DCHS2: variants seen among roughly 807,000 people sequenced by gnomAD.
The protein encoded by DCHS2 is protocadherin-23.
Under a neutral mutation model 182.4 loss-of-function variants are expected in DCHS2, and 142 were observed. The observed-to-expected ratio is 0.78, with a 90% CI of 0.68 to 0.89. The LOEUF is 0.89. DCHS2 is among the 40% of genes least tolerant of loss of function. The probability of loss-of-function intolerance (pLI) is 0.00; values close to 1 mark genes in which losing one functional copy is unlikely to be tolerated. For synonymous variants in DCHS2, 1,740 were observed against 1,663.3 expected (o/e 1.05, Z -1.12); for missense variants, 4,319 against 4,198.6 (o/e 1.03, Z -0.79).
rs1264121883 is a variant in DCHS2 at position 154,329,649 on chromosome 4, C to A, written c.3792G>T (p.Val1264=). 3.7e-6 allele frequency: 6 copies of A among 1,612,434 alleles called. No individual in the cohort carries two copies. In the South Asian group the frequency reaches 6.6e-5, roughly 18 times the overall value. ...REHRGHHEMT[V]LVTDRGSPPR... ...GTGGGGAGCCGCGGTCTGTCACTAGCACAGTCATCTCATGGTGCCCCCGGT... is the reference window on the plus strand; with the variant it reads ...GTGGGGAGCCGCGGTCTGTCACTAGAACAGTCATCTCATGGTGCCCCCGGT... Residue 1264 remains valine, a synonymous_variant, in exon 6 of 20, where the codon GTG becomes GTT. Transcript: ENST00000357232.
chr4:154,458,966 C>CA (rs1734887920), intron 1 of DCHS2, among the ~76,000 whole-genome samples: 1 of 152,150 alleles, frequency 6.6e-6, no homozygotes, highest in African/African-American at 2.4e-5. Context: ...CTAAAAAATA[C>CA]CAAATGGAGA....
At chr4:154,344,758 T>C (rs7661855) in intron 3 of DCHS2, among the ~76,000 whole-genome samples, 151,541 of 152,286 alleles carry the variant, frequency 1, 75,401 homozygotes, top group Middle Eastern at 1. Context: ...GCGTCCACAG[T>C]TCCGAGGCAT....
rs1054782748 is a variant in DCHS2, at chr4:154,232,504, G to T, written c.*2032C>A. ...TCACAGTAATAAATAACTAACTTAG[G>T]GAATAGGTAGATGAATAACTCTTTT... On this transcript the variant is annotated 3_prime_UTR_variant, in exon 20 of 20. Coordinates refer to ENST00000357232, the MANE Select transcript of DCHS2 (RefSeq NM_001358235.2). 1 of 151,982 alleles carries T rather than the reference G, an allele frequency of 6.6e-6. No individual in the cohort carries two copies. The highest frequency in any genetic ancestry group is 2.4e-5 in the African/African-American group (1 of 41,388). 9.4% of individuals were successfully genotyped at this position (151,982 alleles called of 1,614,324 possible).
At chr4:154,240,168 A>G (rs146314222) in intron 18 of DCHS2, among the ~76,000 whole-genome samples, 99 of 152,264 alleles carry the variant, frequency 6.5e-4, no homozygotes, top group African/African-American at 2.2e-3. Flanking sequence ...ATTTTAATCA[A>G]TGCATTCCAA....
chr4:154,257,970 C>A (rs1732779657), intron 15 of DCHS2, among the ~76,000 whole-genome samples: 1 of 152,172 alleles, frequency 6.6e-6, no homozygotes, highest in African/African-American at 2.4e-5. Flanking sequence ...TCCCAGTTAG[C>A]ATTTGGGACA....
At chr4:154,361,722 G>A (rs1730130883) in intron 3 of DCHS2, among the ~76,000 whole-genome samples, 1 of 151,986 alleles carries the variant, frequency 6.6e-6, no homozygotes, top group African/African-American at 2.4e-5. Context: ...AAACCCACAA[G>A]AGAAAACAAC....
chr4:154,441,644 CACA>C (rs1380244785), intron 1 of DCHS2, among the ~76,000 whole-genome samples: 2 of 150,754 alleles, frequency 1.3e-5, no homozygotes, highest in Admixed American at 6.6e-5. Flanking sequence ...AAAACTATAA[CACA>C]ACATTTATCA....
At chr4:154,259,896 C>T (rs1192911677) in intron 14 of DCHS2, 140 bp from the exon 15 acceptor site, 4 of 1,009,924 alleles carry the variant, frequency 4.0e-6, no homozygotes, top group South Asian at 4.3e-5. Flanking sequence ...AATCTCGGCT[C>T]ACTGCAACCT....
chr4:154,231,799 G>T lies in DCHS2; in HGVS notation c.*2737C>A, dbSNP rs1177315331. ...TGGACGTCTATTATAGATTGAATAT[G>T]AATACATGGAGGCAGCCAGTAATGT... On this transcript the variant is annotated 3_prime_UTR_variant, in exon 20 of 20. Transcript: ENST00000357232. 2 of 152,226 alleles carry T rather than the reference G, an allele frequency of 1.3e-5. No individual in the cohort carries two copies. The highest frequency in any genetic ancestry group is 3.4e-3 in the Middle Eastern group (1 of 294). 9.4% of individuals were successfully genotyped at this position (152,226 alleles called of 1,614,324 possible).
intron 1 of DCHS2, among the ~76,000 whole-genome samples, chr4:154,448,689 C>G (rs1006418707): frequency 2.6e-5 from 4 of 152,162 alleles, no homozygotes; most frequent in African/African-American, 9.7e-5. Flanking sequence ...TTAACACGGC[C>G]CCCTGCTCTC....
intron 12 of DCHS2, among the ~76,000 whole-genome samples, chr4:154,300,007 G>T (rs1280544526): frequency 2.0e-5 from 3 of 152,176 alleles, no homozygotes; most frequent in Non-Finnish European, 4.4e-5. Context: ...ATTGGAAAAA[G>T]TGACATCAAA....
chr4:154,254,937 C>G (rs1732577057), intron 16 of DCHS2, among the ~76,000 whole-genome samples: 1 of 152,010 alleles, frequency 6.6e-6, no homozygotes, highest in Non-Finnish European at 1.5e-5. Flanking sequence ...TTTTTAAACA[C>G]CAAGAAAACT....
At chr4:154,437,678 C>T (rs890417167) in intron 1 of DCHS2, among the ~76,000 whole-genome samples, 4 of 152,148 alleles carry the variant, frequency 2.6e-5, no homozygotes, top group African/African-American at 9.7e-5. Context: ...TTCGTTGAAT[C>T]TGGCTTACTT....
Position 154,332,593 on chromosome 4 carries a change from A to T in DCHS2, c.3615T>A (p.Val1205=). Residue 1205 remains valine (V), a synonymous_variant, in exon 5 of 20, where the codon GTT becomes GTA. Coordinates refer to ENST00000357232, the MANE Select transcript of DCHS2 (RefSeq NM_001358235.2). ...TAATTTTGCCTATTACCCCTTGGGG[A>T]ACAGGGCTCTCTTCGACTTTCAAAA... The part of the protein sequence containing the change: ...VLFLKVEESP[V]PQGVIGKITA... 6.2e-7 allele frequency: 1 copy of T among 1,614,246 alleles called. No homozygotes were observed. Among genetic ancestry groups the T allele is most frequent in the Non-Finnish European group, 8.5e-7 (1 of 1,180,042 alleles).
At chr4:154,292,002 C>G (rs1174810268) in intron 13 of DCHS2, among the ~76,000 whole-genome samples, 9 of 152,258 alleles carry the variant, frequency 5.9e-5, no homozygotes, top group Non-Finnish European at 1.3e-4. Context: ...GATGGATACT[C>G]CATTTAGCCT....
At chr4:154,382,906 G>A (rs111346945) in intron 1 of DCHS2, among the ~76,000 whole-genome samples, 10 of 152,296 alleles carry the variant, frequency 6.6e-5, no homozygotes, top group African/African-American at 2.4e-4. Flanking sequence ...TGGTGAGAAT[G>A]CAAATTAGTT....
intron 1 of DCHS2, among the ~76,000 whole-genome samples, chr4:154,454,185 A>G (rs911223515): frequency 3.9e-5 from 6 of 152,174 alleles, no homozygotes; most frequent in Admixed American, 3.3e-4. Context: ...TGTACTCAGC[A>G]TAACATGCTC....
In DCHS2 at chr4:154,304,790, C is replaced by G. The variant is rs749191072; in HGVS notation, c.5484G>C (p.Glu1828Asp). The part of the protein sequence containing the change: ...TVEDENDHAP[E>D]FIVSSYDIEV... ...CAATGTCATAACTGGAAACAATAAA[C>G]TCTGGTGCGTGATCGTTTTCATCTT... is the stretch of plus-strand genomic sequence containing the variant. Residue 1828 changes from glutamate to aspartate, a missense_variant, in exon 12 of 20, where the codon GAG (glutamate) becomes GAC (aspartate). Physicochemically the swap from Glu to Asp is conservative, Grantham distance 45. Transcript: ENST00000357232. 6.2e-7 allele frequency: 1 copy of G among 1,613,946 alleles called. No individual in the cohort carries two copies. Among genetic ancestry groups the G allele is most frequent in the Non-Finnish European group, 8.5e-7 (1 of 1,179,924 alleles).
At position 154,235,748 on chromosome 4, in the gene DCHS2, CT is replaced by C; in HGVS notation, c.8903del (p.Lys2968SerfsTer9). On this transcript the variant is annotated frameshift_variant, in exon 20 of 20. Transcript: ENST00000357232. LOFTEE classifies it low-confidence loss of function (END_TRUNC). ...TCACAAAAACAGTGCAAGATGCAAA[CT>C]TGGAATCTGATTTGGGACTATGAGC... The part of the protein sequence containing the change: ...IIAHSPKSDS[K>X]FASCTVFVNV... 1 of 1,614,042 alleles carries C rather than the reference CT, an allele frequency of 6.2e-7. No individual in the cohort carries two copies. The highest frequency in any genetic ancestry group is 8.5e-7 in the Non-Finnish European group (1 of 1,179,972).
Sources: gnomAD v4.1 joint callset for allele counts (sites outside exome capture counted in the v4.1 genomes callset) on GRCh38, gnomAD v4.1.1 for gene constraint, MANE v1.5 for transcripts, NCBI Gene and HGNC (gene_info 2026-07-23, HGNC 2026-07-21) for gene names.